Variants in CSMD1 observed in about 807,000 individuals in gnomAD.
CSMD1 encodes the protein CUB and Sushi multiple domains 1.
In CSMD1, 213 loss-of-function variants were observed where a neutral mutation model predicts 417.5. That is an observed-to-expected ratio of 0.51 (90% CI 0.46 to 0.57). CSMD1 has a LOEUF of 0.57. CSMD1 is among the 20% of genes least tolerant of loss of function. CSMD1 has a pLI of 0.00. For synonymous variants in CSMD1, 2,862 were observed against 1,736.8 expected (o/e 1.65, Z -16.11); for missense variants, 6,923 against 4,529.7 (o/e 1.53, Z -15.17).
intron 3 of CSMD1, among the ~76,000 whole-genome samples, chr8:4,222,560 G>C (rs1344234308): frequency 6.6e-6 from 1 of 152,138 alleles, no homozygotes. Flanking sequence ...TACAGAAAAA[G>C]GTTAAAGGCT....
chr8:4,033,765 G>GCCAAAAAGAACAGAA (rs1563343231), intron 3 of CSMD1, among the ~76,000 whole-genome samples: 9 of 151,966 alleles, frequency 5.9e-5, no homozygotes, highest in Admixed American at 2.6e-4. Flanking sequence ...GTTCTTTTTG[G>GCCAAAAAGAACAGAA]TCCTCTCACT....
chr8:3,032,295 T>G lies in CSMD1; in HGVS notation c.7661-2782A>C, dbSNP rs528623416. On this transcript the variant is annotated intron_variant, in intron 50 of 69. Transcript: ENST00000635120. ...GAGTTTGAATACTCTGTGACGTAAT[T>G]TGGGAGGAGAAATCCCAAATAATAT... Among the ~76,000 whole-genome samples the G allele has an allele frequency of 5.8e-4, 88 of 151,950 alleles. 3 individuals carry two copies. Among genetic ancestry groups the G allele is most frequent in the Admixed American group, 2.0e-4 (3 of 15,226 alleles).
intron 25 of CSMD1, among the ~76,000 whole-genome samples, chr8:3,293,100 G>A (rs1803700973): frequency 6.6e-6 from 1 of 151,722 alleles, no homozygotes; most frequent in Admixed American, 6.6e-5. Context: ...TAGTTTGGCT[G>A]GATATGAAAT....
In CSMD1 at chr8:2,973,317, A is replaced by G. The variant is rs748987037; in HGVS notation, c.8741-18T>C. On this transcript the variant is annotated intron_variant, in intron 56 of 69. Coordinates refer to ENST00000635120, the MANE Select transcript of CSMD1 (RefSeq NM_033225.6). ...ATTATTTCCTATTGAAAACAAACAC[A>G]TACGGCAATCCACAATTGTGTTAGA... 1.2e-6 allele frequency: 2 copies of G among 1,611,014 alleles called. No homozygotes were observed. The highest frequency in any genetic ancestry group is 1.7e-6 in the Non-Finnish European group (2 of 1,177,802).
chr8:4,214,029 G>A (rs530325610), intron 3 of CSMD1, among the ~76,000 whole-genome samples: 18 of 152,224 alleles, frequency 1.2e-4, no homozygotes, highest in Admixed American at 4.6e-4. Context: ...AAGTAACAAT[G>A]GACAAAAAGG....
intron 1 of CSMD1, among the ~76,000 whole-genome samples, chr8:4,815,076 C>T (rs748968453): frequency 1.1e-4 from 16 of 151,926 alleles, no homozygotes; most frequent in Non-Finnish European, 2.2e-4. Context: ...AGGTAGTATC[C>T]CGCTGGGTGA....
intron 54 of CSMD1, 36 bp downstream of exon 54, chr8:2,997,975 C>G (rs575048694): frequency 6.3e-7 from 1 of 1,595,840 alleles, no homozygotes; most frequent in Admixed American, 1.7e-5. Context: ...AGAACACTCT[C>G]AGAGCAAAGG....
chr8:3,429,551 T>C (rs1341430406), intron 12 of CSMD1, among the ~76,000 whole-genome samples: 1 of 152,132 alleles, frequency 6.6e-6, no homozygotes, highest in Non-Finnish European at 1.5e-5. Context: ...ACGTTCAATA[T>C]CTTTCACTAT....
At chr8:3,614,084 A>G (rs1409316431) in intron 8 of CSMD1, among the ~76,000 whole-genome samples, 2 of 152,168 alleles carry the variant, frequency 1.3e-5, no homozygotes, top group African/African-American at 4.8e-5. Flanking sequence ...TCGTATACAC[A>G]TACACACACC....
At chr8:4,169,884 G>T (rs1349433375) in intron 3 of CSMD1, among the ~76,000 whole-genome samples, 1 of 151,944 alleles carries the variant, frequency 6.6e-6, no homozygotes, top group African/African-American at 2.4e-5. Context: ...ATTTACTTCT[G>T]TTTTCTATGA....
intron 3 of CSMD1, among the ~76,000 whole-genome samples, chr8:4,207,748 A>G (rs1266448564): frequency 6.6e-6 from 1 of 152,076 alleles, no homozygotes; most frequent in Non-Finnish European, 1.5e-5. Flanking sequence ...ATACTGTAAC[A>G]TTTCGATAAT....
At chr8:4,026,411 C>A (rs1797067739) in intron 4 of CSMD1, among the ~76,000 whole-genome samples, 1 of 152,160 alleles carries the variant, frequency 6.6e-6, no homozygotes, top group African/African-American at 2.4e-5. Flanking sequence ...TGGGTGGCAG[C>A]ATAGGAAAGA....
chr8:4,386,776 C>T (rs1033582958), intron 3 of CSMD1, among the ~76,000 whole-genome samples: 1 of 152,084 alleles, frequency 6.6e-6, no homozygotes, highest in Non-Finnish European at 1.5e-5. Flanking sequence ...CAGTTGGTTT[C>T]AGTTGAAGAG....
chr8:4,306,859 A>C (rs11136723), intron 3 of CSMD1, among the ~76,000 whole-genome samples: 114,735 of 151,768 alleles, frequency 0.76, 43,497 homozygotes, highest in East Asian at 0.85. Flanking sequence ...TAATTTTTCA[A>C]TCTCTTTTTG....
intron 3 of CSMD1, among the ~76,000 whole-genome samples, chr8:4,175,320 G>C (rs1234046116): frequency 2.0e-5 from 3 of 152,068 alleles, no homozygotes; most frequent in Non-Finnish European, 4.4e-5. Context: ...CATTGTTTAG[G>C]TTAAAGTTAT....
At chr8:3,222,343 T>A (rs1299184189) in intron 28 of CSMD1, among the ~76,000 whole-genome samples, 1 of 151,578 alleles carries the variant, frequency 6.6e-6, no homozygotes, top group Non-Finnish European at 1.5e-5. Context: ...AAAGCCAAGG[T>A]CTTGCTCTGT....
chr8:4,864,063 T>C lies in CSMD1; in HGVS notation c.85+130269A>G, dbSNP rs577589156. Among the ~76,000 whole-genome samples, 9 of 152,110 alleles carry C rather than the reference T, an allele frequency of 5.9e-5. 1 individual carries two copies. Among genetic ancestry groups the C allele is most frequent in the African/African-American group, 1.7e-4 (7 of 41,476 alleles). ...TTTCATGGACCACTTTTTGCCATGT[T>C]ACAAGTAAAAAAGTGTAATTATATA... On this transcript the variant is annotated intron_variant, in intron 1 of 69. Coordinates refer to ENST00000635120, the MANE Select transcript of CSMD1 (RefSeq NM_033225.6).
intron 25 of CSMD1, among the ~76,000 whole-genome samples, chr8:3,285,276 T>A (rs184536472): frequency 6.6e-5 from 10 of 152,348 alleles, no homozygotes; most frequent in Admixed American, 3.3e-4. Context: ...GTGTAAGGTA[T>A]GGAATGTGTG....
At chr8:4,819,924 C>T (rs1231403754) in intron 1 of CSMD1, among the ~76,000 whole-genome samples, 1 of 152,142 alleles carries the variant, frequency 6.6e-6, no homozygotes, top group East Asian at 1.9e-4. Flanking sequence ...TTTATGTTAT[C>T]ATAAGTAATT....
Sources: allele counts gnomAD v4.1 joint callset (sites outside exome capture counted in the v4.1 genomes callset), GRCh38; gene constraint gnomAD v4.1.1; transcripts MANE v1.5; gene names NCBI Gene and HGNC (gene_info 2026-07-23, HGNC 2026-07-21).